ADAMTSL1: variants seen among roughly 807,000 people sequenced by gnomAD.
ADAMTSL1 encodes ADAMTS-like protein 1.
A neutral mutation model predicts 201.8 loss-of-function variants in ADAMTSL1; 126 were observed. That is an observed-to-expected ratio of 0.62 (90% CI 0.54 to 0.72). The LOEUF (loss-of-function observed/expected upper bound fraction) is 0.72, where lower values mean the gene tolerates loss of function less well. ADAMTSL1 is among the 30% of genes least tolerant of loss of function. ADAMTSL1 has a pLI of 0.00. For missense variants in ADAMTSL1, 2,679 were observed against 2,277.8 expected (o/e 1.18, Z -3.59); for synonymous variants, 1,121 against 903.4 (o/e 1.24, Z -4.32).
intron 26 of ADAMTSL1, among the ~76,000 whole-genome samples, chr9:18,894,767 C>CA (rs1050298262): frequency 2.2e-4 from 33 of 152,050 alleles, no homozygotes; most frequent in African/African-American, 7.7e-4. Context: ...ATTTGAAAGT[C>CA]ATTAGTATAC....
At chr9:18,851,941 G>A (rs548009603) in intron 23 of ADAMTSL1, among the ~76,000 whole-genome samples, 27 of 152,290 alleles carry the variant, frequency 1.8e-4, no homozygotes, top group Middle Eastern at 3.4e-3. Flanking sequence ...TTTCTCCTAG[G>A]AGACTGCCTT....
chr9:17,937,880 G>T (rs1289929172), intron 1 of ADAMTSL1, among the ~76,000 whole-genome samples: 1 of 152,104 alleles, frequency 6.6e-6, no homozygotes, highest in African/African-American at 2.4e-5. Context: ...ATTCATGTTT[G>T]TTTAATTGTG....
chr9:18,278,957 T>C (rs936333226), intron 2 of ADAMTSL1, among the ~76,000 whole-genome samples: 9 of 152,184 alleles, frequency 5.9e-5, no homozygotes, highest in African/African-American at 2.2e-4. Context: ...CTGTTAAAGC[T>C]CTTCATAAAA....
chr9:18,273,577 A>G (rs1832468940), intron 2 of ADAMTSL1, among the ~76,000 whole-genome samples: 1 of 152,222 alleles, frequency 6.6e-6, no homozygotes, highest in Non-Finnish European at 1.5e-5. Context: ...TTTATCTTCC[A>G]AATTTGAAAA....
intron 1 of ADAMTSL1, among the ~76,000 whole-genome samples, chr9:17,957,117 A>G (rs1306397756): frequency 6.6e-6 from 1 of 152,188 alleles, no homozygotes; most frequent in Admixed American, 6.5e-5. Flanking sequence ...AAGAAAACTG[A>G]TATTAGAAAG....
chr9:17,997,292 A>G (rs1180059230), intron 1 of ADAMTSL1, among the ~76,000 whole-genome samples: 1 of 152,122 alleles, frequency 6.6e-6, no homozygotes, highest in African/African-American at 2.4e-5. Flanking sequence ...ATTGATATTA[A>G]TTATAACAAA....
At chr9:18,438,415 C>G (rs907309256) in intron 2 of ADAMTSL1, among the ~76,000 whole-genome samples, 8 of 152,150 alleles carry the variant, frequency 5.3e-5, no homozygotes, top group Admixed American at 5.2e-4. Flanking sequence ...ACCGTCAGGG[C>G]AGCCACCCCC....
chr9:18,418,327 C>T (rs1216985607), intron 2 of ADAMTSL1, among the ~76,000 whole-genome samples: 1 of 152,174 alleles, frequency 6.6e-6, no homozygotes, highest in Non-Finnish European at 1.5e-5. Flanking sequence ...TCCAATCTCA[C>T]TGCTTCTATT....
At chr9:18,029,476 C>G (rs1177319041) in intron 1 of ADAMTSL1, among the ~76,000 whole-genome samples, 3 of 152,128 alleles carry the variant, frequency 2.0e-5, no homozygotes, top group Non-Finnish European at 4.4e-5. Context: ...CCATTCAGGA[C>G]ATAGGCATGG....
At chr9:18,597,489 TA>T (rs1208278364) in intron 4 of ADAMTSL1, among the ~76,000 whole-genome samples, 1 of 152,220 alleles carries the variant, frequency 6.6e-6, no homozygotes, top group African/African-American at 2.4e-5. Context: ...GGTTTAAAAG[TA>T]TATTAAAAAT....
intron 1 of ADAMTSL1, among the ~76,000 whole-genome samples, chr9:18,035,066 A>G (rs1041818627): frequency 1.6e-4 from 24 of 152,272 alleles, no homozygotes; most frequent in African/African-American, 5.5e-4. Context: ...CTTTTTCTAT[A>G]AGAAGTTACT....
intron 9 of ADAMTSL1, among the ~76,000 whole-genome samples, chr9:18,675,022 G>C (rs577289207): frequency 6.6e-6 from 1 of 152,116 alleles, no homozygotes; most frequent in Admixed American, 6.5e-5. Flanking sequence ...CATCCTAAAG[G>C]CCTCCAGGAA....
rs116722238 is a variant in ADAMTSL1 at position 18,042,301 on chromosome 9, C to A, written c.88-121561C>A. 1.8e-3 allele frequency among the ~76,000 whole-genome samples: 276 copies of A among 152,186 alleles called. 2 individuals are homozygous for A. The highest frequency in any genetic ancestry group is 6.0e-3 in the African/African-American group (251 of 41,542). ...AGCAAATGTTAAAAATATTATAATACTAATTCTGATTGAATTTAGCAAGAT... is the reference window on the plus strand; with the variant it reads ...AGCAAATGTTAAAAATATTATAATAATAATTCTGATTGAATTTAGCAAGAT... On this transcript the variant is annotated intron_variant, in intron 1 of 29. Transcript: ENST00000680146.
chr9:18,163,022 C>T lies in ADAMTSL1; in HGVS notation c.88-840C>T, dbSNP rs142809152. Among the ~76,000 whole-genome samples, 150 of 152,084 alleles carry T rather than the reference C, an allele frequency of 9.9e-4. 1 individual carries two copies. Among genetic ancestry groups the T allele is most frequent in the African/African-American group, 3.5e-3 (147 of 41,530 alleles). On this transcript the variant is annotated intron_variant, in intron 1 of 29. Transcript: ENST00000680146. The stretch of plus-strand genomic sequence containing the variant: ...CTGTTGTACAGTGAGTAAACTGAGG[C>T]ATAGAGAGGCAGGAGGAGGCCTGGG...
At chr9:18,331,118 G>C (rs3924761) in intron 2 of ADAMTSL1, among the ~76,000 whole-genome samples, 66,059 of 151,758 alleles carry the variant, frequency 0.44, 14,690 homozygotes, top group Admixed American at 0.55. Flanking sequence ...AACAGTGTGA[G>C]AAGGCAACAA....
intron 2 of ADAMTSL1, among the ~76,000 whole-genome samples, chr9:18,415,712 G>C (rs1285677338): frequency 6.6e-6 from 1 of 151,608 alleles, no homozygotes; most frequent in African/African-American, 2.4e-5. Context: ...CAAACTCTAA[G>C]GACAAAAAAC....
At chr9:18,879,728 A>T (rs940977679) in intron 23 of ADAMTSL1, among the ~76,000 whole-genome samples, 4 of 152,200 alleles carry the variant, frequency 2.6e-5, no homozygotes, top group African/African-American at 9.6e-5. Context: ...CTTCATGTTG[A>T]TGGTTGCTGA....
intron 2 of ADAMTSL1, among the ~76,000 whole-genome samples, chr9:18,375,120 A>G (rs1220506325): frequency 1.3e-5 from 2 of 152,226 alleles, no homozygotes; most frequent in African/African-American, 2.4e-5. Context: ...TGTGCCAGCC[A>G]TAGTACACTC....
intron 1 of ADAMTSL1, among the ~76,000 whole-genome samples, chr9:17,962,702 A>G (rs1457904350): frequency 6.6e-6 from 1 of 152,200 alleles, no homozygotes; most frequent in Non-Finnish European, 1.5e-5. Context: ...TTTCCCCCAT[A>G]TGATATCTTT....
Sources: allele counts gnomAD v4.1 joint callset (sites outside exome capture counted in the v4.1 genomes callset), GRCh38; gene constraint gnomAD v4.1.1; transcripts MANE v1.5; gene names NCBI Gene and HGNC (gene_info 2026-07-23, HGNC 2026-07-21).